The following PELP1 variants were observed in gnomAD, a reference collection of about 807,000 sequenced individuals.
PELP1 encodes proline-, glutamic acid- and leucine-rich protein 1.
In PELP1, 32 loss-of-function variants were observed where a neutral mutation model predicts 95.5. That is an observed-to-expected ratio of 0.34 (90% CI 0.25 to 0.45). The LOEUF (loss-of-function observed/expected upper bound fraction) is 0.45. PELP1 is among the 20% of genes least tolerant of loss of function. PELP1 has a pLI of 1.00. For missense variants in PELP1, 1,358 were observed against 1,444.8 expected, an observed-to-expected ratio of 0.94 and a Z score of 0.97; for synonymous variants, 668 against 600.1, an observed-to-expected ratio of 1.11 and a Z score of -1.65.
At position 4,671,300 on chromosome 17, in the gene PELP1, A is replaced by C. The variant is rs1912187260; in HGVS notation, c.*139T>G. 6 of 641,678 alleles carry C rather than the reference A, an allele frequency of 9.4e-6. No individual in the cohort carries two copies. In the South Asian group the frequency reaches 1.1e-4, roughly 12 times the overall value. 39.7% of individuals were successfully genotyped at this position (641,678 alleles called of 1,614,324 possible). ...AGGACAGCTATGGAGACATCTGGGG[A>C]ATACTATGGACACCCTGAAAAGCCC... On this transcript the variant is annotated 3_prime_UTR_variant, in exon 17 of 17. Coordinates refer to ENST00000572293, the MANE Select transcript of PELP1 (RefSeq NM_014389.3).
Position 4,673,576 on chromosome 17 carries a change from G to A in PELP1, c.1638+43C>T, listed in dbSNP as rs751565446. 25 of 1,602,286 alleles carry A rather than the reference G, an allele frequency of 1.6e-5. No homozygotes were observed. In the African/African-American group the frequency reaches 2.7e-4, roughly 17 times the overall value. ...CACACCCCCCAATGTGTACAGAGCA[G>A]GGGCCCCTTCCCCTATCTCCACGGA... On this transcript the variant is annotated intron_variant, in intron 14 of 16. Coordinates refer to ENST00000572293, the MANE Select transcript of PELP1 (RefSeq NM_014389.3). This position sits in a 1 kb window ranked among gnomAD's most constrained non-coding sequence, Gnocchi z 5.7.
At position 4,673,207 on chromosome 17, in the gene PELP1, G is replaced by GCT; in HGVS notation, c.1845+42_1845+43insAG. On this transcript the variant is annotated intron_variant, in intron 15 of 16. Transcript: ENST00000572293. This position sits in a 1 kb window ranked among gnomAD's most constrained non-coding sequence, Gnocchi z 5.7. ...AATACTGGGAGTCTCTTGGAAACAA[G>GCT]AGACTCCAGGAACCAAAGAGGGGCT... 1 of 1,535,302 alleles carries GCT rather than the reference G, an allele frequency of 6.5e-7. No individual in the cohort carries two copies. The highest frequency in any genetic ancestry group is 8.8e-7 in the Non-Finnish European group (1 of 1,136,446).
intron 5 of PELP1, among the ~76,000 whole-genome samples, chr17:4,680,378 A>T (rs1339495828): frequency 1.3e-5 from 2 of 152,110 alleles, no homozygotes; most frequent in African/African-American, 4.8e-5. Flanking sequence ...CCTGGGTCCA[A>T]GCAATTCTCC....
intron 1 of PELP1, among the ~76,000 whole-genome samples, chr17:4,694,668 T>A (rs1315482002): frequency 7.6e-6 from 1 of 131,050 alleles, no homozygotes; most frequent in African/African-American, 2.9e-5. Flanking sequence ...TCAAAAAAAA[T>A]AAAATAAAAT....
chr17:4,696,280 C>A (rs190583181), intron 1 of PELP1, among the ~76,000 whole-genome samples: 9 of 152,256 alleles, frequency 5.9e-5, no homozygotes, highest in Non-Finnish European at 1.2e-4. Flanking sequence ...TGCAGTGAGC[C>A]ATGATCGCCA....
At chr17:4,681,141 A>G (rs1912669080) in intron 5 of PELP1, among the ~76,000 whole-genome samples, 2 of 152,222 alleles carry the variant, frequency 1.3e-5, no homozygotes, top group Non-Finnish European at 2.9e-5. Flanking sequence ...GTCCTAGGGA[A>G]GTGATATGTC....
chr17:4,675,310 A>G lies in PELP1; in HGVS notation c.1121T>C (p.Leu374Pro). 1 of 1,566,694 alleles carries G rather than the reference A, an allele frequency of 6.4e-7. No individual in the cohort carries two copies. ...LRLLLLPSIH[L>P]EALDLLSALI... Reference sequence around the variant, plus strand: ...TGCAGACAGCAGGTCCAAGGCCTCAAGGTGGATAGAGGGCAGCAGCAGCAG... The same window carrying G: ...TGCAGACAGCAGGTCCAAGGCCTCAGGGTGGATAGAGGGCAGCAGCAGCAG... Residue 374 changes from leucine (L) to proline (P), a missense_variant, in exon 10 of 17, where the codon CTT becomes CCT. Transcript: ENST00000572293. The surrounding 1 kb of genome is among the most constrained non-coding windows in gnomAD (Gnocchi z 4.3).
rs1205411661 is a variant in PELP1 at position 4,673,677 on chromosome 17, G to A, written c.1583-3C>T. 1.1e-5 allele frequency: 17 copies of A among 1,613,464 alleles called. No individual in the cohort carries two copies. Among genetic ancestry groups the A allele is most frequent in the Non-Finnish European group, 1.4e-5 (16 of 1,179,528 alleles). On this transcript the variant is annotated splice_polypyrimidine_tract_variant and splice_region_variant and intron_variant, in intron 13 of 16. Coordinates refer to ENST00000572293, the MANE Select transcript of PELP1 (RefSeq NM_014389.3). The surrounding 1 kb of genome is among the most constrained non-coding windows in gnomAD (Gnocchi z 5.7). ...CATGAGGATGGTCCGGCTGAGGCCT[G>A]GGGAAGAAGAATGGTGTGTAAAGGG...
At chr17:4,683,514 C>T (rs1441012669) in intron 3 of PELP1, among the ~76,000 whole-genome samples, 15 of 111,154 alleles carry the variant, frequency 1.3e-4, no homozygotes, top group Non-Finnish European at 3.9e-5. Context: ...CCATCACGCC[C>T]AGCTGAGTTT....
chr17:4,676,366 C>A lies in PELP1; in HGVS notation c.844G>T (p.Ala282Ser). ...HTLLGALYEG[A>S]ETAPVQNEGP... ...CAGCCCTGGTCCCTACCAGTCTCTGCTCCCTCGTACAGGGCCCCCAGCAGG... is the reference window on the plus strand; with the variant it reads ...CAGCCCTGGTCCCTACCAGTCTCTGATCCCTCGTACAGGGCCCCCAGCAGG... Residue 282 changes from alanine to serine, a missense_variant, in exon 7 of 17, where the codon GCA (alanine) becomes TCA (serine). Physicochemically the swap from Ala to Ser is moderately conservative, Grantham distance 99. Transcript: ENST00000572293. The A allele has an allele frequency of 6.2e-7, 1 of 1,613,454 alleles. No homozygotes were observed. The highest frequency in any genetic ancestry group is 8.5e-7 in the Non-Finnish European group (1 of 1,179,598).
chr17:4,686,664 C>A (rs930589585), intron 3 of PELP1, among the ~76,000 whole-genome samples: 12 of 152,078 alleles, frequency 7.9e-5, no homozygotes, highest in African/African-American at 2.7e-4. Flanking sequence ...ATTACAGGTG[C>A]CTGCCACCAT....
chr17:4,685,316 G>T (rs1184918079), intron 3 of PELP1, among the ~76,000 whole-genome samples: 1 of 152,150 alleles, frequency 6.6e-6, no homozygotes, highest in South Asian at 2.1e-4. Flanking sequence ...CCCCCAGCCC[G>T]CAATCCCGGT....
intron 3 of PELP1, among the ~76,000 whole-genome samples, chr17:4,683,509 A>C (rs7226333): frequency 2.1e-5 from 3 of 144,762 alleles, no homozygotes; most frequent in Non-Finnish European, 3.0e-5. Flanking sequence ...GTGAGCCATC[A>C]CGCCCAGCTG....
rs780676988 is a variant in PELP1 at position 4,673,422 on chromosome 17, C to T, written c.1673G>A (p.Gly558Asp). The T allele has an allele frequency of 1.9e-6, 3 of 1,594,796 alleles. No homozygotes were observed. Among genetic ancestry groups the T allele is most frequent in the Admixed American group, 3.5e-5 (2 of 56,774 alleles). ...LHDLVLPLVM[G>D]VQQGEVLGSS... ...GCCTAGGACCTCACCCTGCTGTACA[C>T]CCATGACCAGGGGGAGGACCAGGTC... Residue 558 changes from glycine (G) to aspartate (D), a missense_variant, in exon 15 of 17, where the codon GGT (glycine) becomes GAT (aspartate). This residue lies in a region of PELP1 where 538 missense variants were observed against 628.1 expected (regional missense o/e 0.86). Coordinates refer to ENST00000572293, the MANE Select transcript of PELP1 (RefSeq NM_014389.3). This position sits in a 1 kb window ranked among gnomAD's most constrained non-coding sequence, Gnocchi z 5.7.
At chr17:4,683,528 TTTC>T (rs1912791811) in intron 3 of PELP1, among the ~76,000 whole-genome samples, 2 of 99,014 alleles carry the variant, frequency 2.0e-5, no homozygotes, top group African/African-American at 8.7e-5. Context: ...TGAGTTTTCT[TTTC>T]TTTTTTTTTT....
At chr17:4,695,425 G>A (rs1274384244) in intron 1 of PELP1, among the ~76,000 whole-genome samples, 1 of 151,988 alleles carries the variant, frequency 6.6e-6, no homozygotes, top group Non-Finnish European at 1.5e-5. Flanking sequence ...AAAATTCTGG[G>A]AAACCAAGGC....
At chr17:4,684,534 G>A (rs929073448) in intron 3 of PELP1, among the ~76,000 whole-genome samples, 10 of 151,892 alleles carry the variant, frequency 6.6e-5, no homozygotes, top group East Asian at 3.9e-4. Flanking sequence ...CAGTCCCTCC[G>A]CTGTGCTTTC....
Position 4,675,023 on chromosome 17 carries a change from G to A in PELP1, c.1274+56C>T, listed in dbSNP as rs1336883265. 6.2e-6 allele frequency: 10 copies of A among 1,605,950 alleles called. No individual in the cohort carries two copies. Among genetic ancestry groups the A allele is most frequent in the African/African-American group, 1.3e-5 (1 of 74,882 alleles). On this transcript the variant is annotated intron_variant, in intron 11 of 16. Transcript: ENST00000572293. This position sits in a 1 kb window ranked among gnomAD's most constrained non-coding sequence, Gnocchi z 4.3. ...ACATGCCAGAAGCCCCAGCCCACCT[G>A]CACCCCCTCACCCCCCTCTCCTCTT...
chr17:4,690,172 G>A (rs751665586), intron 3 of PELP1, among the ~76,000 whole-genome samples: 1 of 152,132 alleles, frequency 6.6e-6, no homozygotes, highest in Non-Finnish European at 1.5e-5. Flanking sequence ...AGTAACTCAA[G>A]AATGAAAAAC....
Sources: gnomAD v4.1 joint callset for allele counts (sites outside exome capture counted in the v4.1 genomes callset) on GRCh38, gnomAD v4.1.1 for gene constraint, gnomAD v4.1.1 regional missense constraint, Gnocchi (gnomAD v3.1) non-coding constraint, MANE v1.5 for transcripts, NCBI Gene and HGNC (gene_info 2026-07-23, HGNC 2026-07-21) for gene names.